CRTAP: variants seen among roughly 807,000 people sequenced by gnomAD.
The protein encoded by CRTAP is cartilage-associated protein.
In CRTAP, 33 loss-of-function variants were observed where a neutral mutation model predicts 42.7. The observed-to-expected ratio is 0.77, with a 90% confidence interval of 0.59 to 1.03. The LOEUF (loss-of-function observed/expected upper bound fraction) is 1.03. Among genes scored for constraint, CRTAP ranks in the 50% least tolerant of loss-of-function variants. CRTAP has a pLI of 0.00. For missense variants in CRTAP, 613 were observed against 533.9 expected (o/e 1.15, Z -1.46); for synonymous variants, 243 against 217.7 (o/e 1.12, Z -1.02).
chr3:33,119,361 GA>G (rs1701385791), intron 1 of CRTAP, among the ~76,000 whole-genome samples: 1 of 152,176 alleles, frequency 6.6e-6, no homozygotes, highest in Non-Finnish European at 1.5e-5. Flanking sequence ...GGGGGAGATA[GA>G]CGTACCACTG....
Position 33,121,179 on chromosome 3 carries a change from C to A in CRTAP, c.621+686C>A, listed in dbSNP as rs967863600. On this transcript the variant is annotated intron_variant, in intron 2 of 6. Transcript: ENST00000320954. ...ATCCCAGCACTTTGGGAGGCCGAGG[C>A]GGATGGATCACCTGAGGTCAGGAGT... Among the ~76,000 whole-genome samples, 2 of 151,958 alleles carry A rather than the reference C, an allele frequency of 1.3e-5. 1 individual carries two copies. The highest frequency in any genetic ancestry group is 1.3e-4 in the Admixed American group (2 of 15,256).
At chr3:33,130,525 CTTTTTTTTT>C (rs765558103) in intron 4 of CRTAP, among the ~76,000 whole-genome samples, 759 of 55,414 alleles carry the variant, frequency 0.014, 7 homozygotes, top group Non-Finnish European at 0.018. Flanking sequence ...CTTTTCTTTT[CTTTTTTTTT>C]TTTTTTTTTT....
At chr3:33,129,532 TTTC>T (rs1344146076) in intron 3 of CRTAP, among the ~76,000 whole-genome samples, 6 of 142,842 alleles carry the variant, frequency 4.2e-5, no homozygotes, top group Non-Finnish European at 7.8e-5. Context: ...TATTTTTCTT[TTTC>T]TTTTTTTTTT....
chr3:33,130,103 T>C lies in CRTAP; in HGVS notation c.922+36T>C, dbSNP rs756010142. 1.3e-5 allele frequency: 21 copies of C among 1,600,394 alleles called. No homozygotes were observed. In the Admixed American group the frequency reaches 3.5e-4, roughly 27 times the overall value. The stretch of plus-strand genomic sequence containing the variant: ...TTCTGTGACATCTTGGGTGAGGCAC[T>C]TAGTCCTTCTAAGACTGTAAAATAG... On this transcript the variant is annotated intron_variant, in intron 4 of 6. Coordinates refer to ENST00000320954, the MANE Select transcript of CRTAP (RefSeq NM_006371.5).
At chr3:33,128,564 T>C (rs2030145686) in intron 3 of CRTAP, among the ~76,000 whole-genome samples, 1 of 152,230 alleles carries the variant, frequency 6.6e-6, no homozygotes, top group African/African-American at 2.4e-5. Context: ...TGCACCCTTA[T>C]TGTTGATGTT....
chr3:33,123,613 T>G lies in CRTAP; in HGVS notation c.622-795T>G, dbSNP rs560419338. 2.4e-4 allele frequency among the ~76,000 whole-genome samples: 35 copies of G among 145,406 alleles called. No individual in the cohort carries two copies. The South Asian group carries it at 7.7e-3, about 32-fold the overall frequency. On this transcript the variant is annotated intron_variant, in intron 2 of 6. Transcript: ENST00000320954. ...AATTAAACCTCTTTTATTTATAAATTACCCAGTCTCGGTTTTTTTTTTTTT... is the reference window on the plus strand; with the variant it reads ...AATTAAACCTCTTTTATTTATAAATGACCCAGTCTCGGTTTTTTTTTTTTT...
At chr3:33,137,906 C>A (rs2030468439) in intron 6 of CRTAP, among the ~76,000 whole-genome samples, 1 of 152,202 alleles carries the variant, frequency 6.6e-6, no homozygotes, top group African/African-American at 2.4e-5. Context: ...GTTTCATTCT[C>A]TTGCATGTGA....
chr3:33,115,848 G>C (rs899303983), intron 1 of CRTAP, among the ~76,000 whole-genome samples: 2 of 151,262 alleles, frequency 1.3e-5, no homozygotes, highest in African/African-American at 4.9e-5. Flanking sequence ...GGAAAAGCTG[G>C]GTTACTTCTA....
intron 6 of CRTAP, among the ~76,000 whole-genome samples, chr3:33,140,307 T>A: frequency 6.6e-6 from 1 of 152,198 alleles, no homozygotes; most frequent in Non-Finnish European, 1.5e-5. Context: ...ATTCTTGGAT[T>A]TGGCACTTTC....
Position 33,121,861 on chromosome 3 carries a change from G to A in CRTAP, c.621+1368G>A, listed in dbSNP as rs74474952. Among the ~76,000 whole-genome samples the A allele has an allele frequency of 3.8e-3, 572 of 152,168 alleles. 3 individuals are homozygous for A. The highest frequency in any genetic ancestry group is 0.013 in the African/African-American group (542 of 41,488). ...CTCTTGGGTGGGTGGGTAGGTGCTG[G>A]GAGCGGACCCAGGACCCCAACAGCC... On this transcript the variant is annotated intron_variant, in intron 2 of 6. Coordinates refer to ENST00000320954, the MANE Select transcript of CRTAP (RefSeq NM_006371.5).
chr3:33,117,266 T>C (rs1465596277), intron 1 of CRTAP, among the ~76,000 whole-genome samples: 1 of 152,216 alleles, frequency 6.6e-6, no homozygotes, highest in Non-Finnish European at 1.5e-5. Context: ...TACTCTGCTG[T>C]TCTGAGTTGC....
chr3:33,141,094 T>G (rs958602443), intron 6 of CRTAP, among the ~76,000 whole-genome samples: 1 of 151,576 alleles, frequency 6.6e-6, no homozygotes, highest in Non-Finnish European at 1.5e-5. Context: ...CTCACAGGAG[T>G]TGGGGATGAG....
chr3:33,134,158 C>T (rs373813089), intron 5 of CRTAP, 24 bp from the exon 6 acceptor site: 2 of 1,558,686 alleles, frequency 1.3e-6, no homozygotes, highest in African/African-American at 2.7e-5. Context: ...GTCCTATAAA[C>T]TGTTCTCTGT....
chr3:33,137,867 T>C (rs1372409135), intron 6 of CRTAP, among the ~76,000 whole-genome samples: 32 of 152,226 alleles, frequency 2.1e-4, no homozygotes. Context: ...TTTGAGTTAA[T>C]TTTATGTGTG....
intron 4 of CRTAP, among the ~76,000 whole-genome samples, chr3:33,130,525 C>CTTTTTTTTTTTTTTTTTTTT (rs765558103): frequency 3.6e-5 from 2 of 55,226 alleles, no homozygotes; most frequent in Non-Finnish European, 6.2e-5. Context: ...CTTTTCTTTT[C>CTTTTTTTTTTTTTTTTTTTT]TTTTTTTTTT....
At chr3:33,137,495 G>A (rs2030456889) in intron 6 of CRTAP, among the ~76,000 whole-genome samples, 1 of 152,116 alleles carries the variant, frequency 6.6e-6, no homozygotes, top group Non-Finnish European at 1.5e-5. Context: ...TTGGCCATTT[G>A]TATATCTTTG....
chr3:33,132,876 G>A (rs987259243), intron 5 of CRTAP, among the ~76,000 whole-genome samples, 176 bp downstream of exon 5: 2 of 152,070 alleles, frequency 1.3e-5, no homozygotes, highest in Non-Finnish European at 2.9e-5. Flanking sequence ...TCAGGAGTTC[G>A]AGACCAGCCT....
At chr3:33,134,970 C>T (rs1040694812) in intron 6 of CRTAP, among the ~76,000 whole-genome samples, 1 of 152,184 alleles carries the variant, frequency 6.6e-6, no homozygotes, top group Non-Finnish European at 1.5e-5. Flanking sequence ...GCCTCCAGGT[C>T]TGCTCTTCCT....
chr3:33,115,435 T>G (rs1053364063), intron 1 of CRTAP: 4 of 152,114 alleles, frequency 2.6e-5, no homozygotes, highest in African/African-American at 9.7e-5. Context: ...TTAAGTTCTC[T>G]CTGTGATTGC....
Sources: allele counts gnomAD v4.1 joint callset (sites outside exome capture counted in the v4.1 genomes callset), GRCh38; gene constraint gnomAD v4.1.1; transcripts MANE v1.5; gene names NCBI Gene and HGNC (gene_info 2026-07-23, HGNC 2026-07-21).